The following DNAH12 variants were observed in gnomAD, a reference collection of about 807,000 sequenced individuals.
DNAH12 encodes the protein dynein axonemal heavy chain 12, also known as axonemal beta dynein heavy chain 12.
A neutral mutation model predicts 371.5 loss-of-function variants in DNAH12; 285 were observed. That is an observed-to-expected ratio of 0.77 (90% CI 0.70 to 0.85). The LOEUF is 0.85. Ranked by LOEUF, DNAH12 falls within the 40% of genes least tolerant of loss-of-function variation. The pLI is 0.00. For missense variants in DNAH12, 3,611 were observed against 3,689.4 expected (o/e 0.98, Z 0.55); for synonymous variants, 1,200 against 1,213.0 (o/e 0.99, Z 0.22).
intron 4 of DNAH12, 21 bp from the exon 5 acceptor site, chr3:57,511,000 T>A (rs1376420017): frequency 6.4e-7 from 1 of 1,558,822 alleles, no homozygotes; most frequent in Middle Eastern, 1.7e-4. Flanking sequence ...AAGAAAAAAT[T>A]AAATGTTCTG....
At chr3:57,554,291 AT>A in the DNAH12 span, among the ~76,000 whole-genome samples, 5 of 95,236 alleles carry the variant, frequency 5.3e-5, no homozygotes, top group South Asian at 2.5e-4. Context: ...CATCTCAAAA[AT>A]AAAAAAATAA....
chr3:57,383,684 C>A (rs1210672889), intron 49 of DNAH12, among the ~76,000 whole-genome samples: 1 of 147,624 alleles, frequency 6.8e-6, no homozygotes, highest in Non-Finnish European at 1.5e-5. Flanking sequence ...TACTTTAGCC[C>A]AAAAGTTTCA....
At position 57,508,452 on chromosome 3, in the gene DNAH12, T is replaced by C; in HGVS notation, c.631A>G (p.Met211Val). The change falls in exon 7 of 74, where the codon ATG (methionine) becomes GTG (valine). Residue 211 changes from methionine to valine, a missense_variant. By Grantham distance (21) the Met-to-Val change is conservative. Around this residue, in one of 3 missense-constraint regions of DNAH12, gnomAD observed 1,314 missense variants for 1,398.7 expected, o/e 0.94. Transcript: ENST00000495027. ...TAACCAAGGTCCAGTAACATTTTCA[T>C]AGTTGGATGAATAATGTGCAAATTA... ...FSNLHIIHPTMKMLLDLGYTT... is the reference protein window; with the variant it reads ...FSNLHIIHPTVKMLLDLGYTT... The C allele has an allele frequency of 1.9e-6, 3 of 1,613,294 alleles. No individual in the cohort carries two copies. The highest frequency in any genetic ancestry group is 8.5e-7 in the Non-Finnish European group (1 of 1,179,836).
chr3:57,330,604 C>A (rs557941994), intron 62 of DNAH12, among the ~76,000 whole-genome samples: 1 of 150,592 alleles, frequency 6.6e-6, no homozygotes, highest in African/African-American at 2.4e-5. Context: ...GGGAGATATA[C>A]CTAATGCCAG....
intron 69 of DNAH12, 98 bp from the exon 70 acceptor site, chr3:57,302,037 G>A (rs996539445): frequency 1.5e-6 from 2 of 1,333,748 alleles, no homozygotes; most frequent in Non-Finnish European, 2.0e-6. Context: ...CAGCTTTATG[G>A]GATTGCTTCC....
In DNAH12 at chr3:57,366,742, C is replaced by A. The variant is rs1052784888; in HGVS notation, c.9154G>T (p.Val3052Phe). Residue 3052 changes from valine (V) to phenylalanine (F), a missense_variant, in exon 57 of 74, where the codon GTT (valine) becomes TTT (phenylalanine). Physicochemically the swap from Val to Phe is conservative, Grantham distance 50. This residue lies in a region of DNAH12 where 2,266 missense variants were observed against 2,236.9 expected (regional missense o/e 1.01). Transcript: ENST00000495027. Reference protein sequence around the residue: ...GLEDQLLGIVVAKERPELEEE... With the variant: ...GLEDQLLGIVFAKERPELEEE... ...GAAAATACATACCTCTCCTTTGCAA[C>A]AACAATACCTAGTAATTGATCTTCA... The A allele has an allele frequency of 6.6e-6, 1 of 152,184 alleles. No individual in the cohort carries two copies. Among genetic ancestry groups the A allele is most frequent in the Non-Finnish European group, 1.5e-5 (1 of 68,038 alleles). The allele number at this position is 152,184 out of a possible 1,614,324, so 9.4% of individuals were successfully genotyped here.
intron 4 of DNAH12, among the ~76,000 whole-genome samples, chr3:57,516,238 C>T (rs567650107): frequency 1.3e-5 from 2 of 151,380 alleles, no homozygotes; most frequent in South Asian, 4.2e-4. Context: ...TAATTTTTTT[C>T]TTTTTAGTAG....
chr3:57,427,137 AATGTGTGT>A (rs2064797801), intron 34 of DNAH12, among the ~76,000 whole-genome samples: 2 of 70,520 alleles, frequency 2.8e-5, no homozygotes, highest in African/African-American at 9.5e-5. Flanking sequence ...GTAAGAAGCG[AATGTGTGT>A]GTGTGTGTGT....
At chr3:57,323,739 C>CAT (rs2061864216) in intron 62 of DNAH12, 120 bp from the exon 63 acceptor site, 11 of 1,007,256 alleles carry the variant, frequency 1.1e-5, no homozygotes, top group African/African-American at 1.0e-4. Context: ...AAGCATATAG[C>CAT]ATCATAGACA....
At position 57,375,813 on chromosome 3, in the gene DNAH12, A is replaced by T. The variant is rs2153339184; in HGVS notation, c.8613+5T>A. The T allele has an allele frequency of 6.6e-6, 1 of 152,286 alleles. No homozygotes were observed. The highest frequency in any genetic ancestry group is 2.4e-5 in the African/African-American group (1 of 41,576). The allele number at this position is 152,286 out of a possible 1,614,324, so 9.4% of individuals were successfully genotyped here. A position where few individuals can be genotyped will look rare whatever the true frequency, so the allele number is the denominator to read the frequency against. On this transcript the variant is annotated splice_donor_5th_base_variant and intron_variant, in intron 54 of 73. Transcript: ENST00000495027. ...AACAAGACTTACAAAATATAAAACC[A>T]CTACCTTGCACAACATGCTCCAATC...
intron 18 of DNAH12, among the ~76,000 whole-genome samples, chr3:57,461,896 G>T (rs888509588): frequency 9.2e-5 from 14 of 152,136 alleles, no homozygotes; most frequent in Admixed American, 4.6e-4. Context: ...TAGTTTTAAA[G>T]AATTCACTTG....
intron 25 of DNAH12, among the ~76,000 whole-genome samples, chr3:57,449,999 A>G (rs887906882): frequency 4.6e-5 from 7 of 152,298 alleles, no homozygotes; most frequent in East Asian, 1.9e-4. Flanking sequence ...CGTAATCCCA[A>G]CACTTTGGGA....
chr3:57,304,428 T>TA (rs1453564411), intron 69 of DNAH12, among the ~76,000 whole-genome samples: 4 of 152,196 alleles, frequency 2.6e-5, no homozygotes, highest in African/African-American at 7.2e-5. Context: ...GCCTTTTTTT[T>TA]ACTCTCTTCT....
chr3:57,421,528 T>TA lies in DNAH12; in HGVS notation c.5551dup (p.Tyr1851LeufsTer4). 6.4e-7 allele frequency: 1 copy of TA among 1,551,676 alleles called. No homozygotes were observed. The highest frequency in any genetic ancestry group is 8.7e-7 in the Non-Finnish European group (1 of 1,146,972). ...CTTTTTATGTCATACCTCATACATG[T>TA]AGTCATAGACCAGGCCTTTTTCATC... On this transcript the variant is annotated frameshift_variant, in exon 36 of 74. Coordinates refer to ENST00000495027, the MANE Select transcript of DNAH12 (RefSeq NM_001366028.2). LOFTEE classifies it high-confidence loss of function.
rs914216039 is a variant in DNAH12 at position 57,452,946 on chromosome 3, C to T, written c.3683G>A (p.Arg1228Gln). Reference sequence around the variant, plus strand: ...TACATTGCAATTAATGATACGAACTCGGGCATTCTCATTTTCCCAATAATA... The same window carrying T: ...TACATTGCAATTAATGATACGAACTTGGGCATTCTCATTTTCCCAATAATA... ...LRYYWENENA[R>Q]VRIINCNVKY... The change falls in exon 25 of 74, where the codon CGA becomes CAA. Residue 1228 changes from arginine to glutamine, a missense_variant. Transcript: ENST00000495027. 13 of 1,551,214 alleles carry T rather than the reference C, an allele frequency of 8.4e-6. No individual in the cohort carries two copies. The highest frequency in any genetic ancestry group is 1.7e-4 in the Middle Eastern group (1 of 5,952).
At chr3:57,432,166 A>T (rs2064974615) in intron 32 of DNAH12, among the ~76,000 whole-genome samples, 2 of 95,662 alleles carry the variant, frequency 2.1e-5, no homozygotes, top group Non-Finnish European at 3.9e-5. Context: ...ACTTCAGTAT[A>T]TCTTTTTTTT....
chr3:57,444,854 C>G, intron 28 of DNAH12, 38 bp from the exon 29 acceptor site: 1 of 1,524,346 alleles, frequency 6.6e-7, no homozygotes, highest in South Asian at 1.3e-5. Context: ...AAGTTAGTTG[C>G]CAGCAATTGC....
In DNAH12 at chr3:57,490,693, G is replaced by T. The variant is rs147593319; in HGVS notation, c.1336-1006C>A. On this transcript the variant is annotated intron_variant, in intron 11 of 73. Transcript: ENST00000495027. ...TGTCCTATTTTTCTAGAGTATCTAG[G>T]ATGTGGTGAATTGGGTTTAAATTTT... Among the ~76,000 whole-genome samples the T allele has an allele frequency of 2.0e-5, 3 of 151,976 alleles. No individual in the cohort carries two copies. In the East Asian group the frequency reaches 5.8e-4, roughly 29 times the overall value.
At chr3:57,465,140 T>C (rs1046856579) in intron 17 of DNAH12, among the ~76,000 whole-genome samples, 30 of 152,146 alleles carry the variant, frequency 2.0e-4, no homozygotes, top group Admixed American at 1.8e-3. Context: ...ATAGCCTGTG[T>C]CCTGGAAGTT....
Sources: allele counts gnomAD v4.1 joint callset (sites outside exome capture counted in the v4.1 genomes callset), GRCh38; gene constraint gnomAD v4.1.1; regional missense constraint gnomAD v4.1.1; transcripts MANE v1.5; gene names NCBI Gene and HGNC (gene_info 2026-07-23, HGNC 2026-07-21).